Variants in PPP2R3A observed in about 807,000 individuals in gnomAD.
PPP2R3A encodes protein phosphatase 2 regulatory subunit B''alpha, also known as serine/threonine-protein phosphatase 2A regulatory subunit B'' subunit alpha.
In PPP2R3A, 80 loss-of-function variants were observed where a neutral mutation model predicts 106.9. The ratio of observed to expected loss-of-function variants is 0.75; its 90% CI spans 0.62 to 0.90. The LOEUF (loss-of-function observed/expected upper bound fraction) is 0.90. Among genes scored for constraint, PPP2R3A ranks in the 40% least tolerant of loss-of-function variants. The probability of loss-of-function intolerance (pLI) is 0.00; values close to 1 mark genes in which losing one functional copy is unlikely to be tolerated. For synonymous variants in PPP2R3A, 483 were observed against 468.3 expected (o/e 1.03, Z -0.41); for missense variants, 1,386 against 1,350.4 (o/e 1.03, Z -0.41).
At chr3:136,083,791 G>A (rs1033328753) in intron 8 of PPP2R3A, among the ~76,000 whole-genome samples, 2 of 152,204 alleles carry the variant, frequency 1.3e-5, no homozygotes, top group Non-Finnish European at 2.9e-5. Flanking sequence ...GTGATCTCAG[G>A]TGGAGATGAG....
intron 7 of PPP2R3A, among the ~76,000 whole-genome samples, chr3:136,081,851 A>G (rs13079205): frequency 0.2 from 29,880 of 152,278 alleles, 3,440 homozygotes; most frequent in Non-Finnish European, 0.27. Flanking sequence ...TTATTACAAA[A>G]TGAAACCCTA....
In PPP2R3A at chr3:136,102,895, A is replaced by G. The variant is rs149323421; in HGVS notation, c.3104-363A>G. Among the ~76,000 whole-genome samples, 939 of 152,228 alleles carry G rather than the reference A, an allele frequency of 6.2e-3. 13 individuals are homozygous for G. Among genetic ancestry groups the G allele is most frequent in the African/African-American group, 0.021 (890 of 41,548 alleles). On this transcript the variant is annotated intron_variant, in intron 11 of 13. Transcript: ENST00000264977. ...ATTTTTCCTTAGACACAGAAAGCAC[A>G]TGAGGAGAGATGGGAGGGACTGCTT...
intron 2 of PPP2R3A, among the ~76,000 whole-genome samples, chr3:136,009,142 A>G (rs910774775): frequency 4.6e-5 from 7 of 151,976 alleles, no homozygotes; most frequent in Non-Finnish European, 7.4e-5. Context: ...TTCCCTTCCT[A>G]TTATAACTTA....
At chr3:136,107,295 CA>C (rs1417895661) in intron 13 of PPP2R3A, among the ~76,000 whole-genome samples, 3 of 151,964 alleles carry the variant, frequency 2.0e-5, no homozygotes, top group Non-Finnish European at 4.4e-5. Context: ...TTCAAAGAAA[CA>C]AAAGAAATAG....
intron 13 of PPP2R3A, among the ~76,000 whole-genome samples, chr3:136,114,225 A>T (rs1937652715): frequency 6.6e-6 from 1 of 151,826 alleles, no homozygotes; most frequent in Non-Finnish European, 1.5e-5. Context: ...GGAATGGTAC[A>T]CTCCGGCCAG....
At position 136,128,246 on chromosome 3, in the gene PPP2R3A, G is replaced by A. The variant is rs1319141799; in HGVS notation, c.3330-16797G>A. ...ATTGGATAAAGAGTCAAGACCCACTGGTGTGCTGTATTCAGGAGACCCATC... is the reference window on the plus strand; with the variant it reads ...ATTGGATAAAGAGTCAAGACCCACTAGTGTGCTGTATTCAGGAGACCCATC... On this transcript the variant is annotated intron_variant, in intron 13 of 13. Transcript: ENST00000264977. Among the ~76,000 whole-genome samples the A allele has an allele frequency of 2.0e-5, 3 of 151,834 alleles. No homozygotes were observed. The East Asian group carries it at 5.8e-4, about 29-fold the overall frequency.
chr3:136,143,002 TCCAGCACATC>T (rs1938939354), intron 13 of PPP2R3A, among the ~76,000 whole-genome samples: 1 of 152,110 alleles, frequency 6.6e-6, no homozygotes, highest in Non-Finnish European at 1.5e-5. Context: ...TGCCTCCTTA[TCCAGCACATC>T]CCATGCCGCA....
intron 5 of PPP2R3A, among the ~76,000 whole-genome samples, chr3:136,053,725 C>G (rs564634690): frequency 6.6e-6 from 1 of 152,130 alleles, no homozygotes; most frequent in East Asian, 1.9e-4. Context: ...TTGGAGATCC[C>G]GGGAGGTCTC....
intron 4 of PPP2R3A, 107 bp downstream of exon 4, chr3:136,041,069 CTCTTTATA>C: frequency 6.2e-6 from 5 of 800,152 alleles, no homozygotes; most frequent in Non-Finnish European, 9.4e-6. Flanking sequence ...TTTCCCTTTA[CTCTTTATA>C]TCAACAAGGA....
intron 1 of PPP2R3A, among the ~76,000 whole-genome samples, chr3:135,990,835 A>G (rs1415293561): frequency 2.6e-5 from 4 of 151,894 alleles, no homozygotes; most frequent in South Asian, 2.1e-4. Flanking sequence ...ACAATGCTAC[A>G]AAGAGTAATA....
At chr3:136,117,670 C>G (rs1274238394) in intron 13 of PPP2R3A, among the ~76,000 whole-genome samples, 6 of 152,182 alleles carry the variant, frequency 3.9e-5, no homozygotes, top group Admixed American at 3.3e-4. Flanking sequence ...CCTCCCAAGT[C>G]TAAACCAGGA....
At chr3:136,127,771 G>A (rs1045682969) in intron 13 of PPP2R3A, among the ~76,000 whole-genome samples, 13 of 152,268 alleles carry the variant, frequency 8.5e-5, no homozygotes, top group Middle Eastern at 6.8e-3. Context: ...GAGAAAGGTC[G>A]GGTTACCCAC....
Position 136,132,808 on chromosome 3 carries a change from T to C in PPP2R3A, c.3330-12235T>C, listed in dbSNP as rs556111964. Among the ~76,000 whole-genome samples, 7 of 152,102 alleles carry C rather than the reference T, an allele frequency of 4.6e-5. No individual in the cohort carries two copies. In the East Asian group the frequency reaches 1.2e-3, roughly 25 times the overall value. ...AATATCTAGAATAGCCAAAACACTTTTTTAAAAGAACAAAGTTGAAGGACT... is the reference window on the plus strand; with the variant it reads ...AATATCTAGAATAGCCAAAACACTTCTTTAAAAGAACAAAGTTGAAGGACT... On this transcript the variant is annotated intron_variant, in intron 13 of 13. Transcript: ENST00000264977.
At chr3:135,974,654 C>G (rs904368299) in intron 1 of PPP2R3A, among the ~76,000 whole-genome samples, 3 of 152,238 alleles carry the variant, frequency 2.0e-5, no homozygotes, top group African/African-American at 7.2e-5. Context: ...CCCTCGTTCT[C>G]TGTCTCCCTT....
chr3:136,050,321 T>C (rs567230722), intron 5 of PPP2R3A, among the ~76,000 whole-genome samples: 1 of 152,326 alleles, frequency 6.6e-6, no homozygotes, highest in Non-Finnish European at 1.5e-5. Context: ...ACGTCAGATC[T>C]ATCAGAAGTA....
chr3:136,102,735 A>G (rs1453202228), intron 11 of PPP2R3A, among the ~76,000 whole-genome samples: 2 of 152,096 alleles, frequency 1.3e-5, no homozygotes, highest in Non-Finnish European at 2.9e-5. Flanking sequence ...CCCTGCTACT[A>G]AGGATGCTGA....
rs534619813 is a variant in PPP2R3A at position 136,002,618 on chromosome 3, A to G, written c.1120A>G (p.Thr374Ala). 1.9e-6 allele frequency: 3 copies of G among 1,613,988 alleles called. No individual in the cohort carries two copies. The highest frequency in any genetic ancestry group is 1.3e-5 in the African/African-American group (1 of 75,056). Reference protein sequence around the residue: ...DTVQSIPNNSTNSLYNLEVND... With the variant: ...DTVQSIPNNSANSLYNLEVND... ...TGTACAATCCATTCCAAACAACTCC[A>G]CAAATTCCTTATATAACTTAGAGGT... The change falls in exon 2 of 14, where the codon ACA becomes GCA. Residue 374 changes from threonine to alanine, a missense_variant. Transcript: ENST00000264977.
At chr3:136,086,019 A>G (rs966158496) in intron 8 of PPP2R3A, among the ~76,000 whole-genome samples, 1 of 152,048 alleles carries the variant, frequency 6.6e-6, no homozygotes, top group African/African-American at 2.4e-5. Context: ...AGTCCCAGCT[A>G]CTCAGGAGGC....
At chr3:136,047,865 A>G (rs1200199513) in intron 4 of PPP2R3A, among the ~76,000 whole-genome samples, 1 of 152,002 alleles carries the variant, frequency 6.6e-6, no homozygotes, top group Non-Finnish European at 1.5e-5. Context: ...AGATTGCGCC[A>G]CTGCACTCCA....
Sources: gnomAD v4.1 joint callset for allele counts (sites outside exome capture counted in the v4.1 genomes callset) on GRCh38, gnomAD v4.1.1 for gene constraint, MANE v1.5 for transcripts, NCBI Gene and HGNC (gene_info 2026-07-23, HGNC 2026-07-21) for gene names.